The following ATL2 variants were observed in gnomAD, a reference collection of about 807,000 sequenced individuals.
ATL2 encodes the protein atlastin-2.
Under a neutral mutation model 73.9 loss-of-function variants are expected in ATL2, and 31 were observed. The observed-to-expected ratio is 0.42, with a 90% CI of 0.32 to 0.57. The LOEUF is 0.57. ATL2 is among the 20% of genes least tolerant of loss of function. ATL2 has a pLI of 0.14. For missense variants in ATL2, 738 were observed against 702.6 expected, an observed-to-expected ratio of 1.05 and a Z score of -0.57; for synonymous variants, 291 against 237.5, an observed-to-expected ratio of 1.23 and a Z score of -2.07.
intron 1 of ATL2, among the ~76,000 whole-genome samples, chr2:38,363,140 G>C (rs755729576): frequency 2.0e-5 from 3 of 152,192 alleles, no homozygotes; most frequent in Non-Finnish European, 2.9e-5. Context: ...CTGAAGCTCA[G>C]ATAAAGCAAT....
intron 1 of ATL2, among the ~76,000 whole-genome samples, chr2:38,373,460 C>T (rs1005005294): frequency 6.6e-6 from 1 of 152,196 alleles, no homozygotes; most frequent in Non-Finnish European, 1.5e-5. Flanking sequence ...CTACATTCTA[C>T]TTGTACTGGT....
chr2:38,376,001 C>A, intron 1 of ATL2: 1 of 1,267,110 alleles, frequency 7.9e-7, no homozygotes, highest in Non-Finnish European at 1.0e-6. Context: ...TAACATCATA[C>A]CAAAATGCTT....
intron 1 of ATL2, among the ~76,000 whole-genome samples, chr2:38,360,562 A>T (rs2124466601): frequency 6.6e-6 from 1 of 152,234 alleles, no homozygotes; most frequent in East Asian, 1.9e-4. Context: ...GGATTCCAGG[A>T]GTGGGCCACC....
chr2:38,363,658 C>T (rs1671138836), intron 1 of ATL2, among the ~76,000 whole-genome samples: 1 of 152,140 alleles, frequency 6.6e-6, no homozygotes, highest in Non-Finnish European at 1.5e-5. Context: ...TTCACCAACT[C>T]CAACAATTCT....
chr2:38,325,906 T>TAA (rs761254087), intron 2 of ATL2, among the ~76,000 whole-genome samples: 3,411 of 51,858 alleles, frequency 0.066, 147 homozygotes, highest in African/African-American at 0.15. Context: ...TTTGTTTGTT[T>TAA]AAAAAAAAAA....
chr2:38,355,504 AC>A (rs2124450064), intron 1 of ATL2, among the ~76,000 whole-genome samples: 1 of 152,302 alleles, frequency 6.6e-6, no homozygotes, highest in East Asian at 1.9e-4. Flanking sequence ...GGTATACTAT[AC>A]AGACATTAAT....
intron 1 of ATL2, among the ~76,000 whole-genome samples, chr2:38,357,511 G>T (rs982256584): frequency 6.6e-6 from 1 of 151,456 alleles, no homozygotes; most frequent in African/African-American, 2.4e-5. Flanking sequence ...AAAATTAGCT[G>T]GGCGTGGTGG....
At chr2:38,333,237 T>C (rs1334091318) in intron 2 of ATL2, among the ~76,000 whole-genome samples, 2 of 152,068 alleles carry the variant, frequency 1.3e-5, no homozygotes, top group Non-Finnish European at 2.9e-5. Context: ...TTCAGTGAGC[T>C]GTGATTGTGC....
At chr2:38,330,665 C>G (rs148786299) in intron 2 of ATL2, among the ~76,000 whole-genome samples, 8 of 152,046 alleles carry the variant, frequency 5.3e-5, no homozygotes, top group South Asian at 4.2e-4. Context: ...GTAACATCAA[C>G]AAAAGGAATA....
intron 12 of ATL2, among the ~76,000 whole-genome samples, chr2:38,297,543 C>T (rs1270346188): frequency 2.6e-5 from 4 of 152,132 alleles, no homozygotes; most frequent in Non-Finnish European, 4.4e-5. Flanking sequence ...AATTCTGGTT[C>T]GAGGTAAAAG....
chr2:38,371,529 T>TA (rs915464208), intron 1 of ATL2, among the ~76,000 whole-genome samples: 10 of 150,960 alleles, frequency 6.6e-5, no homozygotes, highest in Non-Finnish European at 1.5e-4. Context: ...ACAAAATTTT[T>TA]AAAAAAATTA....
upstream of ATL2, chr2:38,377,368 G>A (rs1181904628): frequency 5.9e-6 from 5 of 844,768 alleles, no homozygotes; most frequent in African/African-American, 4.0e-5. Flanking sequence ...GCCGCTCTCC[G>A]CCTGTATCTC....
chr2:38,377,320 C>G (rs1361377763), upstream of ATL2: 1 of 1,442,408 alleles, frequency 6.9e-7, no homozygotes, highest in Non-Finnish European at 9.3e-7. Context: ...GCTTTATCAA[C>G]CTCCCGGGAG....
chr2:38,314,616 G>C lies in ATL2; in HGVS notation c.703C>G (p.Pro235Ala). Reference sequence around the variant, plus strand: ...TAGAATAACTTTTTTACCTGAAATGGTTTCTGGTAGATTTCTTCCATCGCA... The same window carrying C: ...TAGAATAACTTTTTTACCTGAAATGCTTTCTGGTAGATTTCTTCCATCGCA... ...RLAMEEIYQKPFQTLMFLIRD... is the reference protein window; with the variant it reads ...RLAMEEIYQKAFQTLMFLIRD... Residue 235 changes from proline (P) to alanine (A), a missense_variant, in exon 6 of 13, where the codon CCA (proline) becomes GCA (alanine). By Grantham distance (27) the Pro-to-Ala change is conservative. Transcript: ENST00000378954. 1 of 1,599,210 alleles carries C rather than the reference G, an allele frequency of 6.3e-7. No homozygotes were observed. Among genetic ancestry groups the C allele is most frequent in the South Asian group, 1.1e-5 (1 of 90,544 alleles).
intron 1 of ATL2, among the ~76,000 whole-genome samples, chr2:38,371,821 C>G (rs1671706540): frequency 6.6e-6 from 1 of 152,002 alleles, no homozygotes; most frequent in Non-Finnish European, 1.5e-5. Context: ...CGCTTGAACC[C>G]ACGAGGTGGA....
rs1667563098 is a variant in ATL2, at chr2:38,308,307, G to A, written c.1071+1072C>T. Among the ~76,000 whole-genome samples the A allele has an allele frequency of 2.0e-5, 3 of 152,134 alleles. No individual in the cohort carries two copies. In the South Asian group the frequency reaches 6.2e-4, roughly 31 times the overall value. On this transcript the variant is annotated intron_variant, in intron 9 of 12. Coordinates refer to ENST00000378954, the MANE Select transcript of ATL2 (RefSeq NM_001135673.4). ...GAGATCCTGTCATTTCCAACAACAT[G>A]GTGGAACTGGAGGACTTTATGTTAA... is the stretch of plus-strand genomic sequence containing the variant.
At chr2:38,370,221 T>C (rs1054755009) in intron 1 of ATL2, among the ~76,000 whole-genome samples, 3 of 149,176 alleles carry the variant, frequency 2.0e-5, no homozygotes, top group African/African-American at 7.4e-5. Context: ...TCCCAGCACT[T>C]TGGGGGCCGA....
In ATL2 at chr2:38,295,680, T is replaced by TC. The variant is rs1666853687; in HGVS notation, c.*313dup. 1 of 177,028 alleles carries TC rather than the reference T, an allele frequency of 5.6e-6. No individual in the cohort carries two copies. The highest frequency in any genetic ancestry group is 2.4e-5 in the African/African-American group (1 of 42,270). The allele number at this position is 177,028 out of a possible 1,614,324, so 11.0% of individuals were successfully genotyped here. Reference sequence around the variant, plus strand: ...CTCTAAATAGATTTCTGAAAATATTTCCCTGAAATATCCTTTTACATAAGA... The same window carrying TC: ...CTCTAAATAGATTTCTGAAAATATTTCCCCTGAAATATCCTTTTACATAAGA... On this transcript the variant is annotated 3_prime_UTR_variant, in exon 13 of 13. Transcript: ENST00000378954.
chr2:38,310,021 A>G (rs977369485), intron 8 of ATL2, among the ~76,000 whole-genome samples: 1 of 150,166 alleles, frequency 6.7e-6, no homozygotes, highest in African/African-American at 2.4e-5. Context: ...AAAGCCTTTT[A>G]GCAGACTGCA....
Sources: gnomAD v4.1 joint callset for allele counts (sites outside exome capture counted in the v4.1 genomes callset) on GRCh38, gnomAD v4.1.1 for gene constraint, MANE v1.5 for transcripts, NCBI Gene and HGNC (gene_info 2026-07-23, HGNC 2026-07-21) for gene names.